Variants in SNTB2 observed in about 807,000 individuals in gnomAD.
SNTB2 encodes beta-2-syntrophin.
SNTB2 carries 34 observed loss-of-function variants against 46.2 expected under a neutral mutation model. The observed-to-expected ratio is 0.74, with a 90% CI of 0.56 to 0.98. SNTB2 has a LOEUF of 0.98. SNTB2 is among the 50% of genes least tolerant of loss of function. The pLI is 0.00. For synonymous variants in SNTB2, 290 were observed against 312.6 expected, an observed-to-expected ratio of 0.93 and a Z score of 0.76; for missense variants, 603 against 731.4, an observed-to-expected ratio of 0.82 and a Z score of 2.02.
At chr16:69,249,286 A>G (rs552824712) in intron 2 of SNTB2, among the ~76,000 whole-genome samples, 1 of 152,142 alleles carries the variant, frequency 6.6e-6, no homozygotes, top group Non-Finnish European at 1.5e-5. Context: ...TTGGTCTCCC[A>G]AAGTGCTGGG....
chr16:69,297,583 A>ACC (rs1212621520), intron 5 of SNTB2, among the ~76,000 whole-genome samples: 8 of 149,110 alleles, frequency 5.4e-5, no homozygotes, highest in Non-Finnish European at 5.9e-5. Context: ...ACGCCACTGC[A>ACC]CCAGCCTGGG....
rs1316965545 is a variant in SNTB2, at chr16:69,292,362, A to AT, written c.1346-7227dup. ...ATTGTTCACCTTATTTTTTATATAT[A>AT]TATATATATATATATATTATATATA... On this transcript the variant is annotated intron_variant, in intron 5 of 6. Coordinates refer to ENST00000336278, the MANE Select transcript of SNTB2 (RefSeq NM_006750.4). 3.1e-4 allele frequency among the ~76,000 whole-genome samples: 14 copies of AT among 45,562 alleles called. 2 individuals carry two copies. The highest frequency in any genetic ancestry group is 2.0e-3 in the African/African-American group (14 of 6,962). 29.9% of individuals were successfully genotyped at this position (45,562 alleles called of 152,430 possible). A position where few individuals can be genotyped will look rare whatever the true frequency, so the allele number is the denominator to read the frequency against.
intron 2 of SNTB2, among the ~76,000 whole-genome samples, chr16:69,256,103 T>C (rs1964773463): frequency 6.6e-6 from 1 of 151,586 alleles, no homozygotes; most frequent in South Asian, 2.1e-4. Flanking sequence ...GGAGAATCGC[T>C]TGAAACCAGA....
At chr16:69,201,718 A>T (rs750199550) in intron 1 of SNTB2, among the ~76,000 whole-genome samples, 39 of 152,228 alleles carry the variant, frequency 2.6e-4, no homozygotes, top group Non-Finnish European at 5.1e-4. Flanking sequence ...TTGAGAAATT[A>T]TTCTCAGATT....
At chr16:69,274,543 C>T (rs1473302661) in intron 4 of SNTB2, among the ~76,000 whole-genome samples, 1 of 151,352 alleles carries the variant, frequency 6.6e-6, no homozygotes, top group Non-Finnish European at 1.5e-5. Context: ...GTCCCAGCTA[C>T]TAGGGAGGCT....
At chr16:69,247,933 C>T (rs1964686072) in intron 2 of SNTB2, among the ~76,000 whole-genome samples, 2 of 152,022 alleles carry the variant, frequency 1.3e-5, no homozygotes, top group South Asian at 4.2e-4. Flanking sequence ...ACTTGGGCAA[C>T]ACAGTGAGAC....
chr16:69,187,895 C>G, intron 1 of SNTB2, 149 bp downstream of exon 1: 1 of 673,530 alleles, frequency 1.5e-6, no homozygotes, highest in Non-Finnish European at 2.3e-6. Flanking sequence ...TGTGGAAAAA[C>G]GGATGCTTCT....
At chr16:69,257,607 G>A (rs192143659) in intron 2 of SNTB2, among the ~76,000 whole-genome samples, 7 of 151,936 alleles carry the variant, frequency 4.6e-5, no homozygotes, top group East Asian at 1.9e-4. Context: ...CACCACGCCC[G>A]GCTAATTTTT....
At chr16:69,249,700 C>T (rs1441263476) in intron 2 of SNTB2, among the ~76,000 whole-genome samples, 1 of 152,186 alleles carries the variant, frequency 6.6e-6, no homozygotes, top group African/African-American at 2.4e-5. Flanking sequence ...GATCAGTCTA[C>T]TCGACCATGG....
intron 1 of SNTB2, among the ~76,000 whole-genome samples, chr16:69,203,026 CTTTT>C (rs902675172): frequency 6.7e-6 from 1 of 149,886 alleles, no homozygotes; most frequent in Non-Finnish European, 1.5e-5. Flanking sequence ...AGCCTGTTTT[CTTTT>C]TTTTTGAGAC....
chr16:69,264,653 G>T (rs1047561414), intron 3 of SNTB2, among the ~76,000 whole-genome samples: 1 of 151,990 alleles, frequency 6.6e-6, no homozygotes, highest in African/African-American at 2.4e-5. Context: ...CCTAAGTTAC[G>T]CCTGTCCGAA....
At position 69,260,188 on chromosome 16, in the gene SNTB2, C is replaced by T. The variant is rs200737856; in HGVS notation, c.933C>T (p.Asn311=). Residue 311 remains asparagine, a synonymous_variant, in exon 3 of 7, where the codon AAC becomes AAT. Coordinates refer to ENST00000336278, the MANE Select transcript of SNTB2 (RefSeq NM_006750.4). ...ALLPQVLAEL[N]AMLGATSTAG... The stretch of plus-strand genomic sequence containing the variant: ...TCCCACAGGTGTTGGCTGAACTCAA[C>T]GCCATGCTTGGGGCAACCAGTACAG... 21 of 1,614,152 alleles carry T rather than the reference C, an allele frequency of 1.3e-5. No individual in the cohort carries two copies. The Admixed American group carries it at 2.0e-4, about 15-fold the overall frequency.
At chr16:69,206,906 C>T (rs1473892288) in intron 1 of SNTB2, among the ~76,000 whole-genome samples, 13 of 149,408 alleles carry the variant, frequency 8.7e-5, no homozygotes, top group Non-Finnish European at 1.5e-5. Flanking sequence ...GCTGGGACTA[C>T]AGGCGCCTGC....
intron 2 of SNTB2, among the ~76,000 whole-genome samples, chr16:69,255,385 C>T (rs1964763304): frequency 6.6e-6 from 1 of 151,846 alleles, no homozygotes; most frequent in Non-Finnish European, 1.5e-5. Context: ...CATGGTGAAA[C>T]CCCGTATCTA....
intron 1 of SNTB2, among the ~76,000 whole-genome samples, chr16:69,198,751 T>C (rs1354220653): frequency 6.6e-6 from 1 of 152,196 alleles, no homozygotes; most frequent in East Asian, 1.9e-4. Context: ...TTCAGCATTA[T>C]AAGCAGTATG....
At chr16:69,224,536 T>C (rs1264424848) in intron 1 of SNTB2, among the ~76,000 whole-genome samples, 1 of 152,186 alleles carries the variant, frequency 6.6e-6, no homozygotes, top group Non-Finnish European at 1.5e-5. Flanking sequence ...TTGGAAAATA[T>C]GGTGAGATTA....
chr16:69,193,045 A>C (rs552600761), intron 1 of SNTB2, among the ~76,000 whole-genome samples: 1 of 152,234 alleles, frequency 6.6e-6, no homozygotes, highest in South Asian at 2.1e-4. Context: ...TTAATGAAAT[A>C]GATGAGAAAG....
At chr16:69,298,583 G>A (rs540784888) in intron 5 of SNTB2, among the ~76,000 whole-genome samples, 67 of 144,840 alleles carry the variant, frequency 4.6e-4, no homozygotes, top group Admixed American at 1.4e-3. Context: ...GTGCAGTGGC[G>A]TGATTTCATC....
At chr16:69,286,160 C>G (rs1167197042) in intron 5 of SNTB2, among the ~76,000 whole-genome samples, 3 of 152,146 alleles carry the variant, frequency 2.0e-5, no homozygotes, top group African/African-American at 7.2e-5. Context: ...CTGTGTTGCC[C>G]AGGCTGGTCT....
Sources: gnomAD v4.1 joint callset for allele counts (sites outside exome capture counted in the v4.1 genomes callset) on GRCh38, gnomAD v4.1.1 for gene constraint, MANE v1.5 for transcripts, NCBI Gene and HGNC (gene_info 2026-07-23, HGNC 2026-07-21) for gene names.